Variants in MAST1 observed in about 807,000 individuals in gnomAD.
The protein encoded by MAST1 is microtubule-associated serine/threonine-protein kinase 1.
Under a neutral mutation model 124.6 loss-of-function variants are expected in MAST1, and 40 were observed. The observed-to-expected ratio is 0.32, with a 90% CI of 0.25 to 0.42. MAST1 has a LOEUF of 0.42. Ranked by LOEUF, MAST1 falls within the 10% of genes least tolerant of loss-of-function variation. The pLI is 1.00. For synonymous variants in MAST1, 938 were observed against 939.4 expected (o/e 1.00, Z 0.03); for missense variants, 1,558 against 2,181.9 (o/e 0.71, Z 5.70).
intron 1 of MAST1, among the ~76,000 whole-genome samples, chr19:12,839,997 C>T (rs915000064): frequency 9.9e-5 from 15 of 152,210 alleles, no homozygotes; most frequent in African/African-American, 3.6e-4. Flanking sequence ...GTCACATAGA[C>T]ACACAAATGC....
intron 3 of MAST1, among the ~76,000 whole-genome samples, chr19:12,842,591 C>A (rs557281884): frequency 3.3e-5 from 5 of 152,330 alleles, no homozygotes; most frequent in Admixed American, 3.3e-4. Flanking sequence ...CCGCGCCCGT[C>A]CAGTTTACTG....
intron 10 of MAST1, among the ~76,000 whole-genome samples, chr19:12,854,128 T>C (rs1352813572): frequency 2.0e-5 from 3 of 148,822 alleles, no homozygotes; most frequent in African/African-American, 4.9e-5. Context: ...TATTTCTTTT[T>C]TTTTTTTTTT....
rs1568414424 is a variant in MAST1 at position 12,868,102 on chromosome 19, G to GTTTTTTTTTTTTTTTTT, written c.2566+125_2566+126insTTTTTTTTTTTTTTTTT. On this transcript the variant is annotated intron_variant, in intron 20 of 25. Coordinates refer to ENST00000251472, the MANE Select transcript of MAST1 (RefSeq NM_014975.3). The stretch of plus-strand genomic sequence containing the variant: ...AGGTCCTATTCACATTGCAATTTGG[G>GTTTTTTTTTTTTTTTTT]ATTTTTTTTTTTTTTTTTTTTTTTG... The GTTTTTTTTTTTTTTTTT allele has an allele frequency of 1.4e-4, 78 of 538,882 alleles. No individual in the cohort carries two copies. In the East Asian group the frequency reaches 2.3e-3, roughly 16 times the overall value. 33.4% of individuals were successfully genotyped at this position (538,882 alleles called of 1,614,324 possible).
rs998642415 is a variant in MAST1, at chr19:12,856,901, T to C, written c.1078-1461T>C. Among the ~76,000 whole-genome samples, 19 of 152,314 alleles carry C rather than the reference T, an allele frequency of 1.2e-4. 2 individuals are homozygous for C. The highest frequency in any genetic ancestry group is 6.8e-3 in the Middle Eastern group (2 of 294). The stretch of plus-strand genomic sequence containing the variant: ...AAATTGCTGAGTCAAAGGGAACATG[T>C]ATTTGTAATTCTGATCTGTATCAAA... On this transcript the variant is annotated intron_variant, in intron 10 of 25. Coordinates refer to ENST00000251472, the MANE Select transcript of MAST1 (RefSeq NM_014975.3).
intron 12 of MAST1, among the ~76,000 whole-genome samples, chr19:12,864,393 CAA>C (rs35351874): frequency 0.021 from 2,533 of 118,364 alleles, 65 homozygotes; most frequent in African/African-American, 0.07. Flanking sequence ...GACCCTGTCT[CAA>C]AAAAAAAAAA....
chr19:12,843,553 G>T lies in MAST1; in HGVS notation c.273G>T (p.Leu91=), dbSNP rs757467714. 1.7e-5 allele frequency: 27 copies of T among 1,613,624 alleles called. No homozygotes were observed. The South Asian group carries it at 3.0e-4, about 18-fold the overall frequency. The change falls in exon 4 of 26, where the codon CTG becomes CTT. Residue 91 remains leucine, a synonymous_variant. Transcript: ENST00000251472. This position sits in a 1 kb window ranked among gnomAD's most constrained non-coding sequence, Gnocchi z 4.9. Reference sequence around the variant, plus strand: ...GGGCGGACGGACGCCGGTGGTCTCTGGCCTCGCTCCCTTCATCTGGCTATG... The same window carrying T: ...GGGCGGACGGACGCCGGTGGTCTCTTGCCTCGCTCCCTTCATCTGGCTATG... ...SRRADGRRWS[L]ASLPSSGYGT...
Position 12,873,790 on chromosome 19 carries a change from G to A in MAST1, c.3633G>A (p.Pro1211=). 2.5e-6 allele frequency: 4 copies of A among 1,597,418 alleles called. No individual in the cohort carries two copies. Among genetic ancestry groups the A allele is most frequent in the Non-Finnish European group, 3.4e-6 (4 of 1,178,266 alleles). ...NIPLSPLAHT[P]SPTQASPPPL... ...CTCTATCGCCGCTGGCACACACGCCGTCCCCCACGCAGGCGTCACCGCCGC... is the reference window on the plus strand; with the variant it reads ...CTCTATCGCCGCTGGCACACACGCCATCCCCCACGCAGGCGTCACCGCCGC... Residue 1211 remains proline, a synonymous_variant, in exon 26 of 26, where the codon CCG becomes CCA. Transcript: ENST00000251472.
intron 18 of MAST1, among the ~76,000 whole-genome samples, chr19:12,867,098 T>G (rs907764153): frequency 6.6e-6 from 1 of 152,134 alleles, no homozygotes; most frequent in African/African-American, 2.4e-5. Flanking sequence ...TGCTTTTATT[T>G]ATTTATTTTT....
At chr19:12,845,020 G>A (rs1969875047) in intron 4 of MAST1, among the ~76,000 whole-genome samples, 1 of 152,102 alleles carries the variant, frequency 6.6e-6, no homozygotes, top group South Asian at 2.1e-4. Flanking sequence ...ATATCATTCT[G>A]GCCGGGCGCG....
At chr19:12,848,412 G>A (rs1421164888) in intron 7 of MAST1, 2 of 260,392 alleles carry the variant, frequency 7.7e-6, no homozygotes, top group African/African-American at 4.5e-5. Context: ...GAGGTCAAGA[G>A]ATCGAGACCA....
At chr19:12,840,164 A>G (rs899278280) in intron 1 of MAST1, among the ~76,000 whole-genome samples, 1 of 152,234 alleles carries the variant, frequency 6.6e-6, no homozygotes, top group Non-Finnish European at 1.5e-5. Context: ...AGTATCACCA[A>G]TGGTGTCACC....
intron 10 of MAST1, among the ~76,000 whole-genome samples, 177 bp from the exon 11 acceptor site, chr19:12,858,185 G>C (rs1427223175): frequency 1.3e-5 from 2 of 152,062 alleles, no homozygotes; most frequent in Non-Finnish European, 2.9e-5. Context: ...GGAAGAAGAT[G>C]AGAATATGTC....
chr19:12,873,366 G>C lies in MAST1; in HGVS notation c.3306G>C (p.Ser1102=), dbSNP rs754580398. 1.9e-6 allele frequency: 3 copies of C among 1,613,822 alleles called. No individual in the cohort carries two copies. Among genetic ancestry groups the C allele is most frequent in the Admixed American group, 3.3e-5 (2 of 60,006 alleles). The change falls in exon 25 of 26, where the codon TCG becomes TCC. Residue 1102 remains serine, a synonymous_variant. Transcript: ENST00000251472. ...TCTTCCGGAAGATCACGAAGCAGTC[G>C]AACCTGCTGCATACTAGCCGCTCGC... The part of the protein sequence containing the change: ...SSLFRKITKQ[S]NLLHTSRSLS...
chr19:12,860,715 G>A (rs1970070373), intron 12 of MAST1, among the ~76,000 whole-genome samples: 1 of 152,052 alleles, frequency 6.6e-6, no homozygotes, highest in African/African-American at 2.4e-5. Flanking sequence ...CCAAAGTGCT[G>A]GGATTACAGG....
At position 12,867,918 on chromosome 19, in the gene MAST1, G is replaced by A. The variant is rs566685039; in HGVS notation, c.2507G>A (p.Arg836Gln). Residue 836 changes from arginine to glutamine, a missense_variant, in exon 20 of 26, where the codon CGG becomes CAG. Physicochemically the swap from Arg to Gln is conservative, Grantham distance 43. Coordinates refer to ENST00000251472, the MANE Select transcript of MAST1 (RefSeq NM_014975.3). ...SSDPAGSLDA[R>Q]APKEETQGEG... ...GACCCCGCGGGATCCCTGGATGCAC[G>A]GGCCCCCAAAGAGGAGACTCAAGGG... is the stretch of plus-strand genomic sequence containing the variant. The A allele has an allele frequency of 6.2e-7, 1 of 1,600,014 alleles. No homozygotes were observed. The highest frequency in any genetic ancestry group is 8.5e-7 in the Non-Finnish European group (1 of 1,174,482).
chr19:12,841,158 C>A lies in MAST1; in HGVS notation c.248+92C>A. 1 of 708,764 alleles carries A rather than the reference C, an allele frequency of 1.4e-6. No individual in the cohort carries two copies. Among genetic ancestry groups the A allele is most frequent in the Non-Finnish European group, 2.6e-6 (1 of 390,328 alleles). 43.9% of individuals were successfully genotyped at this position (708,764 alleles called of 1,614,324 possible). On this transcript the variant is annotated intron_variant, in intron 3 of 25. Coordinates refer to ENST00000251472, the MANE Select transcript of MAST1 (RefSeq NM_014975.3). This position sits in a 1 kb window ranked among gnomAD's most constrained non-coding sequence, Gnocchi z 4.3. Reference sequence around the variant, plus strand: ...CATCTGTTCTCCTCCTAATTGCACCCGAGCTGGGGCCTGAGGGGACCAGCG... The same window carrying A: ...CATCTGTTCTCCTCCTAATTGCACCAGAGCTGGGGCCTGAGGGGACCAGCG...
Position 12,874,668 on chromosome 19 carries a change from C to T in MAST1, c.4511C>T (p.Ser1504Phe), listed in dbSNP as rs1364345130. 1.3e-6 allele frequency: 2 copies of T among 1,541,212 alleles called. No homozygotes were observed. Among genetic ancestry groups the T allele is most frequent in the South Asian group, 2.5e-5 (2 of 80,338 alleles). The part of the protein sequence containing the change: ...PRSKPASPKL[S>F]PEPQTPSLAP... ...TCCAAGCCCGCCTCCCCAAAGCTCT[C>T]CCCGGAGCCCCAGACACCCTCCCTA... Residue 1504 changes from serine (S) to phenylalanine (F), a missense_variant, in exon 26 of 26, where the codon TCC (serine) becomes TTC (phenylalanine). By Grantham distance (155) the Ser-to-Phe change is radical (BLOSUM62 -2). Transcript: ENST00000251472. The surrounding 1 kb of genome is among the most constrained non-coding windows in gnomAD (Gnocchi z 6.6).
At chr19:12,862,741 C>T (rs936691466) in intron 12 of MAST1, among the ~76,000 whole-genome samples, 1 of 150,134 alleles carries the variant, frequency 6.7e-6, no homozygotes, top group African/African-American at 2.5e-5. Context: ...GATCTTGGCT[C>T]ACCGCAACCT....
chr19:12,873,265 A>G (rs2145915690), intron 24 of MAST1, 59 bp from the exon 25 acceptor site: 1 of 1,541,958 alleles, frequency 6.5e-7, no homozygotes, highest in Non-Finnish European at 8.9e-7. Flanking sequence ...GTGAAATGGG[A>G]GGAGCCCTGA....
Sources: gnomAD v4.1 joint callset for allele counts (sites outside exome capture counted in the v4.1 genomes callset) on GRCh38, gnomAD v4.1.1 for gene constraint, Gnocchi (gnomAD v3.1) non-coding constraint, MANE v1.5 for transcripts, NCBI Gene and HGNC (gene_info 2026-07-23, HGNC 2026-07-21) for gene names.